Variants in ROBO3 observed in about 807,000 individuals in gnomAD.
The protein encoded by ROBO3 is roundabout homolog 3.
Under a neutral mutation model 160.5 loss-of-function variants are expected in ROBO3, and 97 were observed. The observed-to-expected ratio is 0.60, with a 90% CI of 0.51 to 0.72. The LOEUF (loss-of-function observed/expected upper bound fraction) is 0.72, where lower values mean the gene tolerates loss of function less well. Ranked by LOEUF, ROBO3 falls within the 30% of genes least tolerant of loss-of-function variation. The pLI, the probability that ROBO3 is intolerant of heterozygous loss-of-function variation, is 0.00. For missense variants in ROBO3, 1,858 were observed against 1,846.5 expected (o/e 1.01, Z -0.11); for synonymous variants, 780 against 746.2 (o/e 1.05, Z -0.74).
At position 124,872,854 on chromosome 11, in the gene ROBO3, C is replaced by T. The variant is rs555773068; in HGVS notation, c.1331-30C>T. On this transcript the variant is annotated intron_variant, in intron 8 of 27. Transcript: ENST00000397801. The surrounding 1 kb of genome is among the most constrained non-coding windows in gnomAD (Gnocchi z 4.3). ...TGCCCGCGGGGCCCTAAGCTCCTCC[C>T]CTGAGGTGCACACGTTCTTCCTCTC... is the stretch of plus-strand genomic sequence containing the variant. 4 of 1,538,152 alleles carry T rather than the reference C, an allele frequency of 2.6e-6. No homozygotes were observed. The highest frequency in any genetic ancestry group is 1.4e-5 in the African/African-American group (1 of 73,478).
rs534273343 is a variant in ROBO3 at position 124,870,712 on chromosome 11, C to T, written c.1017C>T (p.Gly339=). ...ENSVGRAEAS[G]SLSVHVPPQL... is the part of the protein sequence containing the mutation. ...GTGTGGGCCGCGCTGAAGCATCTGG[C>T]TCCCTCAGTGTTCACGGTGAGGGCT... The change falls in exon 6 of 28, where the codon GGC becomes GGT. Residue 339 remains glycine (G), a synonymous_variant. Transcript: ENST00000397801. The T allele has an allele frequency of 9.9e-6, 16 of 1,611,846 alleles. No individual in the cohort carries two copies. The Admixed American group carries it at 1.8e-4, about 19-fold the overall frequency.
chr11:124,875,118 G>A lies in ROBO3; in HGVS notation c.2081G>A (p.Gly694Asp), dbSNP rs1437071904. The change falls in exon 14 of 28, where the codon GGC (glycine) becomes GAC (aspartate). Residue 694 changes from glycine (G) to aspartate (D), a missense_variant. Gly to Asp is a moderately conservative substitution (Grantham distance 94). Transcript: ENST00000397801. ...RTLQVSWTVD[G>D]PVQLVQGFRV... ...TTGTCCTGTCTCCCACAGGTGGATG[G>A]CCCAGTCCAGCTGGTGCAAGGTTTC... 1.2e-6 allele frequency: 2 copies of A among 1,603,496 alleles called. No individual in the cohort carries two copies. The highest frequency in any genetic ancestry group is 1.8e-4 in the Middle Eastern group (1 of 5,420).
At position 124,872,862 on chromosome 11, in the gene ROBO3, G is replaced by A; in HGVS notation, c.1331-22G>A. 6.4e-7 allele frequency: 1 copy of A among 1,563,400 alleles called. No homozygotes were observed. Among genetic ancestry groups the A allele is most frequent in the Non-Finnish European group, 8.7e-7 (1 of 1,154,658 alleles). ...GGGCCCTAAGCTCCTCCCCTGAGGT[G>A]CACACGTTCTTCCTCTCTCAGCCTC... On this transcript the variant is annotated intron_variant, in intron 8 of 27. Transcript: ENST00000397801. This position sits in a 1 kb window ranked among gnomAD's most constrained non-coding sequence, Gnocchi z 4.3.
rs550979973 is a variant in ROBO3 at position 124,880,591 on chromosome 11, G to T, written c.4132G>T (p.Gly1378Ter). 16 of 1,547,874 alleles carry T rather than the reference G, an allele frequency of 1.0e-5. No individual in the cohort carries two copies. In the African/African-American group the frequency reaches 1.9e-4, roughly 19 times the overall value. Residue 1378 changes from glycine to a stop codon, truncating the protein, a stop_gained, in exon 27 of 28, where the codon GGA becomes TGA. Transcript: ENST00000397801. LOFTEE classifies it high-confidence loss of function. ...SQSRSQSQRP[G>*]QKRREEPR ...GAGCCGGAGCCAGAGCCAAAGGCCAGGACAGAAACGCCGAGAGGTAGGGGC... is the reference window on the plus strand; with the variant it reads ...GAGCCGGAGCCAGAGCCAAAGGCCATGACAGAAACGCCGAGAGGTAGGGGC...
At position 124,873,170 on chromosome 11, in the gene ROBO3, C is replaced by A; in HGVS notation, c.1536+81C>A. ...CTTACACAAGTAAGTACTCACTGGG[C>A]CTGTAGCCCCATCTTTACCCCTCTG... On this transcript the variant is annotated intron_variant, in intron 9 of 27. Coordinates refer to ENST00000397801, the MANE Select transcript of ROBO3 (RefSeq NM_022370.4). This position sits in a 1 kb window ranked among gnomAD's most constrained non-coding sequence, Gnocchi z 4.5. 1 of 1,462,074 alleles carries A rather than the reference C, an allele frequency of 6.8e-7. No homozygotes were observed. Among genetic ancestry groups the A allele is most frequent in the Non-Finnish European group, 9.4e-7 (1 of 1,058,234 alleles). 90.6% of individuals were successfully genotyped at this position (1,462,074 alleles called of 1,614,324 possible). A position where few individuals can be genotyped will look rare whatever the true frequency, so the allele number is the denominator to read the frequency against.
Position 124,878,271 on chromosome 11 carries a change from CG to C in ROBO3, c.3182-24del, listed in dbSNP as rs759546697. The C allele has an allele frequency of 1.8e-4, 287 of 1,609,858 alleles. No individual in the cohort carries two copies. Among genetic ancestry groups the C allele is most frequent in the Non-Finnish European group, 2.3e-4 (276 of 1,178,060 alleles). On this transcript the variant is annotated intron_variant, in intron 21 of 27. Transcript: ENST00000397801. This position sits in a 1 kb window ranked among gnomAD's most constrained non-coding sequence, Gnocchi z 4.3. The stretch of plus-strand genomic sequence containing the variant: ...CTCTGGCTCTTTCCTGCCTGTTCTC[CG>C]GGTGTCCCCATCCTATTCTCCTCAG...
At chr11:124,879,038 C>A in intron 23 of ROBO3, 152 bp from the exon 24 acceptor site, 1 of 923,984 alleles carries the variant, frequency 1.1e-6, no homozygotes, top group Non-Finnish European at 1.6e-6. Context: ...AGATATGGCT[C>A]TCCTTATGCT....
Position 124,881,251 on chromosome 11 carries a change from C to A in ROBO3, c.*1C>A. 3.1e-6 allele frequency: 5 copies of A among 1,604,684 alleles called. No individual in the cohort carries two copies. In the South Asian group the frequency reaches 4.5e-5, roughly 14 times the overall value. ...TCTCTCTCCCTAGGAACCAAGATGACCCTTGTTGGGGCATTGAGAATATCA... is the reference window on the plus strand; with the variant it reads ...TCTCTCTCCCTAGGAACCAAGATGAACCTTGTTGGGGCATTGAGAATATCA... On this transcript the variant is annotated 3_prime_UTR_variant, in exon 28 of 28. Coordinates refer to ENST00000397801, the MANE Select transcript of ROBO3 (RefSeq NM_022370.4).
rs1329305753 is a variant in ROBO3, at chr11:124,881,288, G to A, written c.*38G>A. 6.3e-7 allele frequency: 1 copy of A among 1,585,260 alleles called. No homozygotes were observed. Among genetic ancestry groups the A allele is most frequent in the Non-Finnish European group, 8.6e-7 (1 of 1,163,144 alleles). On this transcript the variant is annotated 3_prime_UTR_variant, in exon 28 of 28. Transcript: ENST00000397801. ...CATTGAGAATATCATGAGTGCCACGGGGAAGGGGAGTAGGGATGTCTTTTC... is the reference window on the plus strand; with the variant it reads ...CATTGAGAATATCATGAGTGCCACGAGGAAGGGGAGTAGGGATGTCTTTTC...
At position 124,876,400 on chromosome 11, in the gene ROBO3, G is replaced by T; in HGVS notation, c.2719G>T (p.Gly907Trp). ...CGCAGCCTGCGGGGCGCTGCTTCTC[G>T]GGCTCTGCGCCGCCCTCTACTGGCG... ...SGAACGALLLGLCAALYWRRK... is the reference protein window; with the variant it reads ...SGAACGALLLWLCAALYWRRK... The change falls in exon 17 of 28, where the codon GGG becomes TGG. Residue 907 changes from glycine to tryptophan, a missense_variant. Gly to Trp is a radical substitution (Grantham distance 184). Coordinates refer to ENST00000397801, the MANE Select transcript of ROBO3 (RefSeq NM_022370.4). This position sits in a 1 kb window ranked among gnomAD's most constrained non-coding sequence, Gnocchi z 5.3. The T allele has an allele frequency of 2.7e-6, 4 of 1,454,590 alleles. No homozygotes were observed. Among genetic ancestry groups the T allele is most frequent in the Non-Finnish European group, 3.6e-6 (4 of 1,110,148 alleles). The allele number at this position is 1,454,590 out of a possible 1,614,324, so 90.1% of individuals were successfully genotyped here.
chr11:124,870,813 G>T, intron 6 of ROBO3, 85 bp downstream of exon 6: 1 of 1,558,490 alleles, frequency 6.4e-7, no homozygotes, highest in East Asian at 2.3e-5. Flanking sequence ...AGGGAGAAAG[G>T]GCAGAGAAGG....
rs1429902109 is a variant in ROBO3 at position 124,873,920 on chromosome 11, C to T, written c.1784+58C>T. ...AGTTAAAAGGAGGGGATCCTATGCC[C>T]TTAGGGTCTTTGCTATTGTGAGGTG... On this transcript the variant is annotated intron_variant, in intron 11 of 27. Coordinates refer to ENST00000397801, the MANE Select transcript of ROBO3 (RefSeq NM_022370.4). The surrounding 1 kb of genome is among the most constrained non-coding windows in gnomAD (Gnocchi z 4.5). 5.6e-6 allele frequency: 9 copies of T among 1,603,068 alleles called. No homozygotes were observed. The East Asian group carries it at 1.8e-4, about 32-fold the overall frequency.
In ROBO3 at chr11:124,873,261, T is replaced by C. The variant is rs779474703; in HGVS notation, c.1537-49T>C. 3 of 1,543,552 alleles carry C rather than the reference T, an allele frequency of 1.9e-6. No homozygotes were observed. The highest frequency in any genetic ancestry group is 8.8e-7 in the Non-Finnish European group (1 of 1,130,478). On this transcript the variant is annotated intron_variant, in intron 9 of 27. Transcript: ENST00000397801. This position sits in a 1 kb window ranked among gnomAD's most constrained non-coding sequence, Gnocchi z 4.5. ...CTGCTACCCGCCTCCACCCCCTCAC[T>C]GGATCTTGCTCCACTCTCAGTTTGC...
At position 124,865,473 on chromosome 11, in the gene ROBO3, G is replaced by A. The variant is rs369181172; in HGVS notation, c.-105G>A. 1.8e-5 allele frequency: 22 copies of A among 1,209,272 alleles called. No homozygotes were observed. Among genetic ancestry groups the A allele is most frequent in the South Asian group, 1.0e-4 (7 of 69,184 alleles). The allele number at this position is 1,209,272 out of a possible 1,614,324, so 74.9% of individuals were successfully genotyped here. A position where few individuals can be genotyped will look rare whatever the true frequency, so the allele number is the denominator to read the frequency against. On this transcript the variant is annotated 5_prime_UTR_variant, in exon 1 of 28. Coordinates refer to ENST00000397801, the MANE Select transcript of ROBO3 (RefSeq NM_022370.4). The surrounding 1 kb of genome is among the most constrained non-coding windows in gnomAD (Gnocchi z 5.5). ...GCAGGAGAGCGGCACCGTGGCTGCCGCAGCGCGCAGAGGCTGTGGAGGGGC... is the reference window on the plus strand; with the variant it reads ...GCAGGAGAGCGGCACCGTGGCTGCCACAGCGCGCAGAGGCTGTGGAGGGGC...
Position 124,878,891 on chromosome 11 carries a change from G to T in ROBO3, c.3533+95G>T. 9.1e-7 allele frequency: 1 copy of T among 1,101,692 alleles called. No individual in the cohort carries two copies. The highest frequency in any genetic ancestry group is 1.3e-6 in the Non-Finnish European group (1 of 759,012). The allele number at this position is 1,101,692 out of a possible 1,614,324, so 68.2% of individuals were successfully genotyped here. On this transcript the variant is annotated intron_variant, in intron 23 of 27. Coordinates refer to ENST00000397801, the MANE Select transcript of ROBO3 (RefSeq NM_022370.4). This position sits in a 1 kb window ranked among gnomAD's most constrained non-coding sequence, Gnocchi z 4.3. Reference sequence around the variant, plus strand: ...GGGTGGATGGATGGATGGGTGGATGGATCTGGGGTACAGAGGTCTCAGGGC... The same window carrying T: ...GGGTGGATGGATGGATGGGTGGATGTATCTGGGGTACAGAGGTCTCAGGGC...
In ROBO3 at chr11:124,879,557, A is replaced by G; in HGVS notation, c.3778A>G (p.Arg1260Gly). 1.2e-6 allele frequency: 2 copies of G among 1,613,182 alleles called. No homozygotes were observed. The highest frequency in any genetic ancestry group is 1.6e-4 in the Middle Eastern group (1 of 6,062). ...GAAACCCAAGGCTCTTCCCTACAGGAGGGAGAACAGTCCTGGGGGTGAGGG... is the reference window on the plus strand; with the variant it reads ...GAAACCCAAGGCTCTTCCCTACAGGGGGGAGAACAGTCCTGGGGGTGAGGG... ...RKKPKALPYR[R>G]ENSPGDLPPP... is the part of the protein sequence containing the mutation. The change falls in exon 25 of 28, where the codon AGG becomes GGG. Residue 1260 changes from arginine (R) to glycine (G), a missense_variant. Transcript: ENST00000397801.
At position 124,865,844 on chromosome 11, in the gene ROBO3, T is replaced by C. The variant is rs988041660; in HGVS notation, c.160+107T>C. On this transcript the variant is annotated intron_variant, in intron 1 of 27. Coordinates refer to ENST00000397801, the MANE Select transcript of ROBO3 (RefSeq NM_022370.4). This position sits in a 1 kb window ranked among gnomAD's most constrained non-coding sequence, Gnocchi z 5.5. The stretch of plus-strand genomic sequence containing the variant: ...TCCTGTCCCGAGGTCCGGGATTGAG[T>C]GGCGCCTCCCAGCGCCTCCCTGGGT... The C allele has an allele frequency of 7.8e-7, 1 of 1,287,940 alleles. No homozygotes were observed. Among genetic ancestry groups the C allele is most frequent in the South Asian group, 1.5e-5 (1 of 67,094 alleles). 79.8% of individuals were successfully genotyped at this position (1,287,940 alleles called of 1,614,324 possible).
rs1591505940 is a variant in ROBO3 at position 124,865,871 on chromosome 11, G to A, written c.160+134G>A. 1.9e-6 allele frequency: 2 copies of A among 1,055,454 alleles called. No individual in the cohort carries two copies. Among genetic ancestry groups the A allele is most frequent in the East Asian group, 2.6e-5 (1 of 38,270 alleles). 65.4% of individuals were successfully genotyped at this position (1,055,454 alleles called of 1,614,324 possible). On this transcript the variant is annotated intron_variant, in intron 1 of 27. Transcript: ENST00000397801. This position sits in a 1 kb window ranked among gnomAD's most constrained non-coding sequence, Gnocchi z 5.5. ...GCGCCTCCCAGCGCCTCCCTGGGTC[G>A]TGGGGTCTAAGGGATAATTTGGAGC...
chr11:124,869,429 G>GCCCCCCCCCCCCCC lies in ROBO3; in HGVS notation c.488-15_488-14insCCCCCCCCCCCCCC, dbSNP rs34127060. On this transcript the variant is annotated intron_variant, in intron 2 of 27. Coordinates refer to ENST00000397801, the MANE Select transcript of ROBO3 (RefSeq NM_022370.4). The surrounding 1 kb of genome is among the most constrained non-coding windows in gnomAD (Gnocchi z 4.2). ...TGTCACTCTACACCCTGCTTATTTC[G>GCCCCCCCCCCCCCC]CCCCCCACCGCCCCGCCCAGTCCTC... 1.4e-4 allele frequency: 185 copies of GCCCCCCCCCCCCCC among 1,301,586 alleles called. No individual in the cohort carries two copies. Among genetic ancestry groups the GCCCCCCCCCCCCCC allele is most frequent in the South Asian group, 4.5e-4 (36 of 79,952 alleles). 80.6% of individuals were successfully genotyped at this position (1,301,586 alleles called of 1,614,324 possible). A position where few individuals can be genotyped will look rare whatever the true frequency, so the allele number is the denominator to read the frequency against.
Sources: gnomAD v4.1 joint callset for allele counts on GRCh38, gnomAD v4.1.1 for gene constraint, Gnocchi (gnomAD v3.1) non-coding constraint, MANE v1.5 for transcripts, NCBI Gene and HGNC (gene_info 2026-07-23, HGNC 2026-07-21) for gene names.